Variants in AQP1 observed in about 807,000 individuals in gnomAD.
AQP1 encodes aquaporin-1.
A neutral mutation model predicts 19.7 loss-of-function variants in AQP1; 11 were observed. That is an observed-to-expected ratio of 0.56 (90% CI 0.35 to 0.92). AQP1 has a LOEUF of 0.92. Among genes scored for constraint, AQP1 ranks in the 40% least tolerant of loss-of-function variants. The pLI is 0.01. For synonymous variants in AQP1, 159 were observed against 166.7 expected (o/e 0.95, Z 0.36); for missense variants, 320 against 369.7 (o/e 0.87, Z 1.10).
chr7:30,913,757 C>A (rs895847354), intron 1 of AQP1, among the ~76,000 whole-genome samples: 1 of 152,184 alleles, frequency 6.6e-6, no homozygotes, highest in African/African-American at 2.4e-5. Flanking sequence ...AGATTAGCTC[C>A]GTGGGCTGGA....
Position 30,912,206 on chromosome 7 carries a change from C to T in AQP1, c.297C>T (p.Ile99=), listed in dbSNP as rs768291072. ...ISIFRALMYI[I]AQCVGAIVAT... Reference sequence around the variant, plus strand: ...TCTTCCGTGCCCTCATGTACATCATCGCCCAGTGCGTGGGGGCCATCGTCG... The same window carrying T: ...TCTTCCGTGCCCTCATGTACATCATTGCCCAGTGCGTGGGGGCCATCGTCG... Residue 99 remains isoleucine (I), a synonymous_variant, in exon 1 of 4, where the codon ATC becomes ATT. Coordinates refer to ENST00000311813, the MANE Select transcript of AQP1 (RefSeq NM_198098.4). The surrounding 1 kb of genome is among the most constrained non-coding windows in gnomAD (Gnocchi z 4.3). 2.1e-5 allele frequency: 34 copies of T among 1,611,574 alleles called. No individual in the cohort carries two copies. The highest frequency in any genetic ancestry group is 4.5e-5 in the East Asian group (2 of 44,894).
rs181428252 is a variant in AQP1, at chr7:30,914,467, C to T, written c.384+2174C>T. ...GCAGGGGCAGTGCTGAACATAAGGG[C>T]GCTTAGCATGATGGTGGGGGCTCAG... On this transcript the variant is annotated intron_variant, in intron 1 of 3. Transcript: ENST00000311813. 5.3e-5 allele frequency among the ~76,000 whole-genome samples: 8 copies of T among 152,324 alleles called. No homozygotes were observed. The East Asian group carries it at 9.6e-4, about 18-fold the overall frequency.
Position 30,912,039 on chromosome 7 carries a change from A to G in AQP1, c.130A>G (p.Thr44Ala). The change falls in exon 1 of 4, where the codon ACG (threonine) becomes GCG (alanine). Residue 44 changes from threonine to alanine, a missense_variant. Thr to Ala is a moderately conservative substitution (Grantham distance 58, BLOSUM62 0). Transcript: ENST00000311813. This position sits in a 1 kb window ranked among gnomAD's most constrained non-coding sequence, Gnocchi z 4.3. Reference protein sequence around the residue: ...GFKYPVGNNQTAVQDNVKVSL... With the variant: ...GFKYPVGNNQAAVQDNVKVSL... ...CAAATACCCGGTGGGGAACAACCAGACGGCGGTCCAGGACAACGTGAAGGT... is the reference window on the plus strand; with the variant it reads ...CAAATACCCGGTGGGGAACAACCAGGCGGCGGTCCAGGACAACGTGAAGGT... 1 of 1,613,446 alleles carries G rather than the reference A, an allele frequency of 6.2e-7. No individual in the cohort carries two copies. The highest frequency in any genetic ancestry group is 2.2e-5 in the East Asian group (1 of 44,872).
chr7:30,915,749 G>T (rs1791330211), intron 1 of AQP1, among the ~76,000 whole-genome samples: 1 of 152,196 alleles, frequency 6.6e-6, no homozygotes, highest in African/African-American at 2.4e-5. Context: ...TCAGGGGCCT[G>T]ACTGAAGCCC....
intron 1 of AQP1, among the ~76,000 whole-genome samples, chr7:30,916,847 G>A (rs1414241282): frequency 6.6e-6 from 1 of 152,144 alleles, no homozygotes; most frequent in Admixed American, 6.5e-5. Context: ...CTGCCATTAG[G>A]GGTGTGCAAG....
chr7:30,912,383 A>G lies in AQP1; in HGVS notation c.384+90A>G, dbSNP rs978688441. On this transcript the variant is annotated intron_variant, in intron 1 of 3. Transcript: ENST00000311813. The surrounding 1 kb of genome is among the most constrained non-coding windows in gnomAD (Gnocchi z 4.3). ...CTCTGCCCATTGTGCAGATGGGGAC[A>G]CTGAGGAACGGAGAGGACAAGAGGT... 1.2e-5 allele frequency: 18 copies of G among 1,537,344 alleles called. No individual in the cohort carries two copies. The highest frequency in any genetic ancestry group is 1.4e-5 in the Non-Finnish European group (16 of 1,140,632).
In AQP1 at chr7:30,922,660, G is replaced by A. The variant is rs754253329; in HGVS notation, c.630+16G>A. The A allele has an allele frequency of 5.0e-6, 8 of 1,610,564 alleles. No individual in the cohort carries two copies. The highest frequency in any genetic ancestry group is 6.8e-6 in the Non-Finnish European group (8 of 1,176,758). On this transcript the variant is annotated intron_variant, in intron 3 of 3. Transcript: ENST00000311813. ...CAACCACTGGGTAGGAGACCCACGGGGGGTGGGGTGGGAAGCTTTGGTGTC... is the reference window on the plus strand; with the variant it reads ...CAACCACTGGGTAGGAGACCCACGGAGGGTGGGGTGGGAAGCTTTGGTGTC...
chr7:30,916,904 C>T (rs1791370678), intron 1 of AQP1, among the ~76,000 whole-genome samples: 1 of 151,700 alleles, frequency 6.6e-6, no homozygotes, highest in Middle Eastern at 3.4e-3. Context: ...CTAGTCTATG[C>T]GGGGGTCCAG....
At position 30,922,275 on chromosome 7, in the gene AQP1, G is replaced by A. The variant is rs748231215; in HGVS notation, c.549+45G>A. 1.8e-4 allele frequency: 279 copies of A among 1,536,166 alleles called. No individual in the cohort carries two copies. In the Middle Eastern group the frequency reaches 2.0e-3, roughly 11 times the overall value. On this transcript the variant is annotated intron_variant, in intron 2 of 3. Transcript: ENST00000311813. The stretch of plus-strand genomic sequence containing the variant: ...AGATGGAGGTGGGGGAAGGGAGGGC[G>A]GGGGCTGGTGGGGTGCCCTGCCATG...
At chr7:30,920,094 C>T (rs767096727) in intron 1 of AQP1, among the ~76,000 whole-genome samples, 23 of 152,254 alleles carry the variant, frequency 1.5e-4, no homozygotes, top group East Asian at 7.7e-4. Flanking sequence ...CTGGGGCTCT[C>T]GCACCTGGTT....
intron 1 of AQP1, among the ~76,000 whole-genome samples, chr7:30,914,017 C>T (rs1174665432): frequency 6.6e-6 from 1 of 152,200 alleles, no homozygotes; most frequent in Admixed American, 6.5e-5. Context: ...TCCCTCCCAT[C>T]TCACAGGGCG....
intron 1 of AQP1, chr7:30,921,614 T>C: frequency 3.2e-6 from 5 of 1,550,646 alleles, no homozygotes; most frequent in East Asian, 2.4e-5. Context: ...TGGAATGTTC[T>C]GGACTTTTGG....
chr7:30,915,998 C>A (rs1791342123), intron 1 of AQP1, among the ~76,000 whole-genome samples: 1 of 152,132 alleles, frequency 6.6e-6, no homozygotes, highest in Admixed American at 6.5e-5. Context: ...TTCCGCCAGC[C>A]CCAGATGAGG....
chr7:30,914,584 C>T (rs536926550), intron 1 of AQP1, among the ~76,000 whole-genome samples: 7 of 152,360 alleles, frequency 4.6e-5, no homozygotes, highest in African/African-American at 1.7e-4. Flanking sequence ...GGGCTCCCGT[C>T]AGACACTGGC....
At chr7:30,916,661 A>G (rs372931886) in intron 1 of AQP1, among the ~76,000 whole-genome samples, 21 of 152,292 alleles carry the variant, frequency 1.4e-4, no homozygotes, top group East Asian at 5.8e-4. Flanking sequence ...TCTCCAACTT[A>G]AAAGATATCC....
Position 30,916,969 on chromosome 7 carries a change from A to T in AQP1, c.384+4676A>T, listed in dbSNP as rs191904170. Among the ~76,000 whole-genome samples, 176 of 152,172 alleles carry T rather than the reference A, an allele frequency of 1.2e-3. 1 individual carries two copies. Among genetic ancestry groups the T allele is most frequent in the African/African-American group, 4.1e-3 (172 of 41,516 alleles). ...GCTTTGTGTCATGCTGAGATCAGCA[A>T]TTCTGATGGCCTGCGGGGGATCCTG... On this transcript the variant is annotated intron_variant, in intron 1 of 3. Transcript: ENST00000311813.
At chr7:30,921,635 G>C (rs537605954) in intron 1 of AQP1, 2 of 1,550,658 alleles carry the variant, frequency 1.3e-6, no homozygotes, top group Non-Finnish European at 1.7e-6. Context: ...GTATGAAGCC[G>C]TGTCCCCTGC....
rs908216133 is a variant in AQP1 at position 30,922,571 on chromosome 7, A to G, written c.557A>G (p.Tyr186Cys). The G allele has an allele frequency of 1.9e-6, 3 of 1,613,894 alleles. No homozygotes were observed. The highest frequency in any genetic ancestry group is 1.1e-5 in the South Asian group (1 of 91,068). ...TGTTTCTTTCCCTCACAGATTGACTACACTGGCTGTGGGATTAACCCTGCT... is the reference window on the plus strand; with the variant it reads ...TGTTTCTTTCCCTCACAGATTGACTGCACTGGCTGTGGGATTAACCCTGCT... The part of the protein sequence containing the change: ...VALGHLLAID[Y>C]TGCGINPARS... The change falls in exon 3 of 4, where the codon TAC becomes TGC. Residue 186 changes from tyrosine (Y) to cysteine (C), a missense_variant. Coordinates refer to ENST00000311813, the MANE Select transcript of AQP1 (RefSeq NM_198098.4).
chr7:30,915,842 C>T (rs1791333882), intron 1 of AQP1, among the ~76,000 whole-genome samples: 1 of 152,170 alleles, frequency 6.6e-6, no homozygotes, highest in African/African-American at 2.4e-5. Flanking sequence ...CACCAGTTCT[C>T]CCGGGGGTGC....
Sources: allele counts gnomAD v4.1 joint callset (sites outside exome capture counted in the v4.1 genomes callset), GRCh38; gene constraint gnomAD v4.1.1; non-coding constraint Gnocchi (gnomAD v3.1); transcripts MANE v1.5; gene names NCBI Gene and HGNC (gene_info 2026-07-23, HGNC 2026-07-21).